Variants in CDH13 observed in about 807,000 individuals in gnomAD.
CDH13 encodes cadherin 13, also known as cadherin-13.
Under a neutral mutation model 63.8 loss-of-function variants are expected in CDH13, and 24 were observed. The ratio of observed to expected loss-of-function variants is 0.38; its 90% CI spans 0.27 to 0.53. The LOEUF (loss-of-function observed/expected upper bound fraction) is 0.53, where lower values mean the gene tolerates loss of function less well. Among genes scored for constraint, CDH13 ranks in the 20% least tolerant of loss-of-function variants. CDH13 has a pLI of 0.85. For missense variants in CDH13, 1,049 were observed against 903.1 expected, an observed-to-expected ratio of 1.16 and a Z score of -2.07; for synonymous variants, 503 against 355.3, an observed-to-expected ratio of 1.42 and a Z score of -4.67.
intron 7 of CDH13, among the ~76,000 whole-genome samples, chr16:83,586,755 G>A (rs1470647242): frequency 1.3e-5 from 2 of 152,148 alleles, no homozygotes; most frequent in East Asian, 1.9e-4. Context: ...GACTGTACCA[G>A]GCATAAAATC....
chr16:82,935,224 A>G (rs540182812), intron 2 of CDH13, among the ~76,000 whole-genome samples: 1 of 152,288 alleles, frequency 6.6e-6, no homozygotes, highest in South Asian at 2.1e-4. Flanking sequence ...AGAAGTGCAG[A>G]GTGAAGGGAG....
intron 4 of CDH13, among the ~76,000 whole-genome samples, chr16:83,175,036 A>G (rs1597465712): frequency 2.6e-5 from 4 of 152,060 alleles, no homozygotes; most frequent in Admixed American, 2.6e-4. Flanking sequence ...GAGCCAAACC[A>G]TATCACCATG....
Position 83,570,833 on chromosome 16 carries a change from TTTATATTTTTATATATATAAATATAA to T in CDH13, c.961-31620_961-31595del, listed in dbSNP as rs1229063083. ...ATATATTTATAAATATAAATAAAAA[TTTATATTTTTATATATATAAATATAA>T]ATATATTTATATATTTATATTTATA... On this transcript the variant is annotated intron_variant, in intron 7 of 13. Transcript: ENST00000567109. Among the ~76,000 whole-genome samples the T allele has an allele frequency of 3.6e-5, 3 of 83,474 alleles. No homozygotes were observed. The East Asian group carries it at 1.3e-3, about 35-fold the overall frequency. The allele number at this position is 83,474 out of a possible 152,430, so 54.8% of individuals were successfully genotyped here. A position where few individuals can be genotyped will look rare whatever the true frequency, so the allele number is the denominator to read the frequency against.
At chr16:83,180,892 G>A (rs184990930) in intron 4 of CDH13, 3 of 1,531,052 alleles carry the variant, frequency 2.0e-6, no homozygotes, top group Admixed American at 2.0e-5. Flanking sequence ...CCTATTAACA[G>A]CGAACTTCTC....
intron 8 of CDH13, among the ~76,000 whole-genome samples, chr16:83,623,025 C>T (rs558671029): frequency 6.6e-6 from 1 of 152,272 alleles, no homozygotes; most frequent in East Asian, 1.9e-4. Context: ...GGGAAATGGA[C>T]CCGAAGTCTG....
intron 4 of CDH13, among the ~76,000 whole-genome samples, chr16:83,127,076 G>C (rs906210589): frequency 1.3e-5 from 2 of 152,184 alleles, no homozygotes; most frequent in African/African-American, 4.8e-5. Flanking sequence ...AGGTATATCT[G>C]GTTGAACAGC....
intron 1 of CDH13, among the ~76,000 whole-genome samples, chr16:82,839,367 T>C (rs931922336): frequency 6.6e-6 from 1 of 152,198 alleles, no homozygotes; most frequent in Non-Finnish European, 1.5e-5. Context: ...GACTGTACTT[T>C]TGCTGGTTCC....
In CDH13 at chr16:83,747,577, T is replaced by C. The variant is rs545313986; in HGVS notation, c.1539-531T>C. On this transcript the variant is annotated intron_variant, in intron 10 of 13. Transcript: ENST00000567109. ...TTTGTTAACTCATATTCTCTCTTCCTGGTTTGTCTGTCCTCTCACTCTCTG... is the reference window on the plus strand; with the variant it reads ...TTTGTTAACTCATATTCTCTCTTCCCGGTTTGTCTGTCCTCTCACTCTCTG... Among the ~76,000 whole-genome samples, 41 of 149,580 alleles carry C rather than the reference T, an allele frequency of 2.7e-4. 2 individuals carry two copies. The South Asian group carries it at 8.4e-3, about 31-fold the overall frequency.
intron 6 of CDH13, among the ~76,000 whole-genome samples, chr16:83,427,553 A>G (rs763704459): frequency 1.4e-4 from 21 of 152,188 alleles, no homozygotes; most frequent in Non-Finnish European, 2.2e-4. Flanking sequence ...ACTATAAATC[A>G]TCAGAGTTGT....
At chr16:83,239,455 A>G (rs553419281) in intron 5 of CDH13, among the ~76,000 whole-genome samples, 1 of 152,298 alleles carries the variant, frequency 6.6e-6, no homozygotes, top group Non-Finnish European at 1.5e-5. Flanking sequence ...TGTCTTTAAC[A>G]CCATGACACC....
chr16:83,492,296 T>C (rs1034169529), intron 7 of CDH13, among the ~76,000 whole-genome samples: 5 of 152,216 alleles, frequency 3.3e-5, no homozygotes, highest in Non-Finnish European at 2.9e-5. Flanking sequence ...TTTAGGCCTT[T>C]CTGATTTAAT....
Position 83,303,826 on chromosome 16 carries a change from C to A in CDH13, c.637-41036C>A, listed in dbSNP as rs148553478. Among the ~76,000 whole-genome samples the A allele has an allele frequency of 8.3e-4, 126 of 152,180 alleles. 3 individuals carry two copies. The East Asian group carries it at 0.023, about 28-fold the overall frequency. ...TACCAGAATTAAATCATCTACCCAC[C>A]CTTAAACTACACCTTGGCAAGGGCA... On this transcript the variant is annotated intron_variant, in intron 5 of 13. Coordinates refer to ENST00000567109, the MANE Select transcript of CDH13 (RefSeq NM_001257.5).
chr16:82,828,946 A>C (rs1761894936), intron 1 of CDH13, among the ~76,000 whole-genome samples: 2 of 152,186 alleles, frequency 1.3e-5, no homozygotes, highest in African/African-American at 4.8e-5. Context: ...CTAACCTTTT[A>C]GATAAAGTTT....
At chr16:83,363,852 C>T (rs1441268353) in intron 6 of CDH13, among the ~76,000 whole-genome samples, 1 of 152,080 alleles carries the variant, frequency 6.6e-6, no homozygotes, top group African/African-American at 2.4e-5. Flanking sequence ...AGTAAAATGG[C>T]CCGAGAGCAA....
At chr16:83,015,756 C>T (rs920988122) in intron 2 of CDH13, among the ~76,000 whole-genome samples, 83 of 125,296 alleles carry the variant, frequency 6.6e-4, no homozygotes, top group Non-Finnish European at 9.1e-4. Flanking sequence ...TCTCAGGAAC[C>T]TTAGACTTGC....
intron 7 of CDH13, among the ~76,000 whole-genome samples, chr16:83,565,228 T>C (rs1417451818): frequency 6.6e-6 from 1 of 152,062 alleles, no homozygotes; most frequent in Non-Finnish European, 1.5e-5. Flanking sequence ...CTGGCTATAA[T>C]TGCCCTCATA....
intron 11 of CDH13, among the ~76,000 whole-genome samples, chr16:83,778,584 T>TA (rs1915284182): frequency 6.6e-6 from 1 of 151,784 alleles, no homozygotes; most frequent in South Asian, 2.1e-4. Context: ...GCCATTATCT[T>TA]AAAATAGTAT....
At chr16:82,951,417 T>C (rs527823948) in intron 2 of CDH13, among the ~76,000 whole-genome samples, 20 of 152,340 alleles carry the variant, frequency 1.3e-4, no homozygotes, top group African/African-American at 4.6e-4. Context: ...TATTCAGCTA[T>C]TGGCATGGGT....
intron 10 of CDH13, among the ~76,000 whole-genome samples, chr16:83,746,732 G>A (rs1912621124): frequency 1.3e-5 from 2 of 152,310 alleles, no homozygotes; most frequent in East Asian, 3.9e-4. Flanking sequence ...GGAAATGGCA[G>A]CAAAGTGCCA....
Sources: allele counts gnomAD v4.1 joint callset (sites outside exome capture counted in the v4.1 genomes callset), GRCh38; gene constraint gnomAD v4.1.1; transcripts MANE v1.5; gene names NCBI Gene and HGNC (gene_info 2026-07-23, HGNC 2026-07-21).